Variants in LPP observed in about 807,000 individuals in gnomAD.
LPP encodes lipoma-preferred partner.
Under a neutral mutation model 60.4 loss-of-function variants are expected in LPP, and 38 were observed. The observed-to-expected ratio is 0.63, with a 90% CI of 0.49 to 0.83. The LOEUF is 0.83. Ranked by LOEUF, LPP falls within the 40% of genes least tolerant of loss-of-function variation. LPP has a pLI of 0.00. For missense variants in LPP, 902 were observed against 783.6 expected (o/e 1.15, Z -1.80); for synonymous variants, 328 against 290.8 (o/e 1.13, Z -1.30).
intron 9 of LPP, among the ~76,000 whole-genome samples, chr3:188,853,470 C>A (rs763040223): frequency 6.6e-6 from 1 of 152,244 alleles, no homozygotes; most frequent in Middle Eastern, 3.4e-3. Flanking sequence ...TAAGGAAATA[C>A]GTTCAAGGCA....
chr3:188,708,431 C>T, intron 8 of LPP, 38 bp downstream of exon 8: 1 of 1,614,040 alleles, frequency 6.2e-7, no homozygotes, highest in Non-Finnish European at 8.5e-7. Context: ...AAGTAACTAT[C>T]TTGCTCTGAT....
At chr3:188,424,307 G>T (rs920420697) in intron 4 of LPP, among the ~76,000 whole-genome samples, 1 of 152,066 alleles carries the variant, frequency 6.6e-6, no homozygotes, top group African/African-American at 2.4e-5. Flanking sequence ...CTGTTTCATT[G>T]GTCTATATAT....
chr3:188,180,779 A>G (rs1286739478), intron 1 of LPP: 1 of 152,158 alleles, frequency 6.6e-6, no homozygotes, highest in African/African-American at 2.4e-5. Context: ...ATACAGCACA[A>G]GCAGCTTCTC....
intron 9 of LPP, among the ~76,000 whole-genome samples, chr3:188,794,734 T>G (rs1043758370): frequency 6.6e-6 from 1 of 152,144 alleles, no homozygotes; most frequent in African/African-American, 2.4e-5. Flanking sequence ...CAAAGGTTTT[T>G]TTTTTCTTTA....
intron 9 of LPP, among the ~76,000 whole-genome samples, chr3:188,811,328 C>T (rs760351210): frequency 6.3e-5 from 9 of 143,252 alleles, no homozygotes; most frequent in Middle Eastern, 3.7e-3. Flanking sequence ...GTCTTGAAAG[C>T]GAGAAAATGA....
At chr3:188,453,901 C>T (rs1481714869) in intron 4 of LPP, among the ~76,000 whole-genome samples, 1 of 152,134 alleles carries the variant, frequency 6.6e-6, no homozygotes, top group African/African-American at 2.4e-5. Flanking sequence ...TTCTAACTCA[C>T]ATTTTAACCT....
intron 7 of LPP, among the ~76,000 whole-genome samples, chr3:188,665,460 CT>C (rs141063775): frequency 0.017 from 1,067 of 61,636 alleles, 13 homozygotes; most frequent in African/African-American, 0.05. Context: ...TCTTCTTCTT[CT>C]TTTTTTTTTT....
intron 2 of LPP, among the ~76,000 whole-genome samples, chr3:188,252,429 G>T (rs1730206830): frequency 6.9e-6 from 1 of 143,954 alleles, no homozygotes; most frequent in Non-Finnish European, 1.5e-5. Context: ...TTTCTGCAAT[G>T]AATAACATTA....
At chr3:188,240,453 C>T (rs1723910123) in intron 2 of LPP, among the ~76,000 whole-genome samples, 2 of 151,734 alleles carry the variant, frequency 1.3e-5, no homozygotes, top group South Asian at 2.1e-4. Context: ...ACAGTAGCAA[C>T]TTCATAGGCA....
chr3:188,178,243 G>A (rs535531489), intron 1 of LPP, among the ~76,000 whole-genome samples: 59 of 152,276 alleles, frequency 3.9e-4, no homozygotes, highest in African/African-American at 1.4e-3. Flanking sequence ...CCAGTGGAGG[G>A]CACCACATGC....
chr3:188,284,734 C>T (rs1235977090), intron 2 of LPP, among the ~76,000 whole-genome samples: 1 of 152,040 alleles, frequency 6.6e-6, no homozygotes, highest in African/African-American at 2.4e-5. Flanking sequence ...CATTTGATTA[C>T]GGTGCTAAGT....
intron 1 of LPP, among the ~76,000 whole-genome samples, chr3:188,186,589 G>GT (rs5855183): frequency 0.027 from 4,034 of 147,840 alleles, 188 homozygotes; most frequent in African/African-American, 0.092. Context: ...TTTTTTCTAA[G>GT]TTTTTTTTTT....
At chr3:188,782,934 A>T (rs1400537106) in intron 9 of LPP, among the ~76,000 whole-genome samples, 2 of 152,034 alleles carry the variant, frequency 1.3e-5, no homozygotes, top group Admixed American at 1.3e-4. Flanking sequence ...CTCATTCTTC[A>T]TAGTGAAAAT....
intron 8 of LPP, among the ~76,000 whole-genome samples, chr3:188,753,371 T>C (rs1728713612): frequency 6.6e-6 from 1 of 152,168 alleles, no homozygotes; most frequent in Non-Finnish European, 1.5e-5. Context: ...GGACTCCCCC[T>C]CCTAATTTAC....
intron 5 of LPP, among the ~76,000 whole-genome samples, chr3:188,503,727 AT>A (rs1274684288): frequency 6.6e-6 from 1 of 150,454 alleles, no homozygotes; most frequent in African/African-American, 2.4e-5. Context: ...GTGGTTGATA[AT>A]TTTTTTTCCT....
At chr3:188,677,978 C>A (rs1301926171) in intron 7 of LPP, among the ~76,000 whole-genome samples, 1 of 152,106 alleles carries the variant, frequency 6.6e-6, no homozygotes, top group Non-Finnish European at 1.5e-5. Context: ...CAAACATGGT[C>A]CCAGGGTGGT....
At chr3:188,543,311 T>C (rs1263771153) in intron 6 of LPP, among the ~76,000 whole-genome samples, 1 of 152,132 alleles carries the variant, frequency 6.6e-6, no homozygotes, top group Non-Finnish European at 1.5e-5. Context: ...AAGTATTTGT[T>C]CTTTTTGCCA....
rs181519840 is a variant in LPP at position 188,179,536 on chromosome 3, C to T, written c.-190+25284C>T. The T allele has an allele frequency of 9.7e-4, 443 of 457,372 alleles. 3 individuals carry two copies. The highest frequency in any genetic ancestry group is 7.6e-3 in the African/African-American group (380 of 50,160). 28.3% of individuals were successfully genotyped at this position (457,372 alleles called of 1,614,324 possible). On this transcript the variant is annotated intron_variant, in intron 1 of 11. Coordinates refer to ENST00000617246, the MANE Select transcript of LPP (RefSeq NM_001375462.1). ...CATTTTCTACACTTAGAGTTCCTCT[C>T]GTGCTCTCATATTTCCATTTAAAGC...
At chr3:188,800,390 T>C (rs897628001) in intron 9 of LPP, among the ~76,000 whole-genome samples, 22 of 151,656 alleles carry the variant, frequency 1.5e-4, no homozygotes, top group African/African-American at 2.9e-4. Context: ...GGACTACAGG[T>C]GTCTGCCACC....
Sources: allele counts gnomAD v4.1 joint callset (sites outside exome capture counted in the v4.1 genomes callset), GRCh38; gene constraint gnomAD v4.1.1; transcripts MANE v1.5; gene names NCBI Gene and HGNC (gene_info 2026-07-23, HGNC 2026-07-21).